Variants in LDLRAD3 observed in about 807,000 individuals in gnomAD.
LDLRAD3 encodes low-density lipoprotein receptor class A domain-containing protein 3.
Under a neutral mutation model 29.4 loss-of-function variants are expected in LDLRAD3, and 20 were observed. That is an observed-to-expected ratio of 0.68 (90% CI 0.48 to 0.99). The LOEUF (loss-of-function observed/expected upper bound fraction) is 0.99, where lower values mean the gene tolerates loss of function less well. Ranked by LOEUF, LDLRAD3 falls within the 50% of genes least tolerant of loss-of-function variation. The pLI, the probability that LDLRAD3 is intolerant of heterozygous loss-of-function variation, is 0.00. For synonymous variants in LDLRAD3, 157 were observed against 192.7 expected (o/e 0.81, Z 1.53); for missense variants, 420 against 454.3 (o/e 0.92, Z 0.69).
At chr11:36,137,203 A>G (rs181775380) in intron 4 of LDLRAD3, among the ~76,000 whole-genome samples, 3 of 152,314 alleles carry the variant, frequency 2.0e-5, no homozygotes, top group Admixed American at 2.0e-4. Flanking sequence ...TTGACCAGGA[A>G]ATGGATTTGT....
At position 35,957,251 on chromosome 11, in the gene LDLRAD3, C is replaced by T. The variant is rs759885045; in HGVS notation, c.46+13107C>T. 9.2e-5 allele frequency among the ~76,000 whole-genome samples: 14 copies of T among 152,138 alleles called. 1 individual carries two copies. Among genetic ancestry groups the T allele is most frequent in the Non-Finnish European group, 1.8e-4 (12 of 68,012 alleles). On this transcript the variant is annotated intron_variant, in intron 1 of 5. Coordinates refer to ENST00000315571, the MANE Select transcript of LDLRAD3 (RefSeq NM_174902.4). ...ATTTCATGTCCTGCTTTTTTCACTT[C>T]TGAATATAGCATAGACGTTTTCCCA...
At chr11:35,977,522 A>G (rs796361823) in intron 1 of LDLRAD3, among the ~76,000 whole-genome samples, 15 of 152,264 alleles carry the variant, frequency 9.9e-5, no homozygotes, top group African/African-American at 1.7e-4. Context: ...TCACAGGGCT[A>G]TTTTACAGAA....
At position 36,229,630 on chromosome 11, in the gene LDLRAD3, G is replaced by GT; in HGVS notation, c.*233_*234insT. Reference sequence around the variant, plus strand: ...TTTCTGTCAGGTCACTCTTCCCTTGGGACCCGAGATCACACCCTCATTTTT... The same window carrying GT: ...TTTCTGTCAGGTCACTCTTCCCTTGGTGACCCGAGATCACACCCTCATTTTT... On this transcript the variant is annotated 3_prime_UTR_variant, in exon 6 of 6. Coordinates refer to ENST00000315571, the MANE Select transcript of LDLRAD3 (RefSeq NM_174902.4). 1.8e-5 allele frequency: 8 copies of GT among 452,130 alleles called. No individual in the cohort carries two copies. The highest frequency in any genetic ancestry group is 2.7e-5 in the Non-Finnish European group (7 of 255,758). The allele number at this position is 452,130 out of a possible 1,614,324, so 28.0% of individuals were successfully genotyped here. A position where few individuals can be genotyped will look rare whatever the true frequency, so the allele number is the denominator to read the frequency against.
intron 1 of LDLRAD3, among the ~76,000 whole-genome samples, chr11:35,966,203 G>A (rs1851339209): frequency 6.6e-6 from 1 of 152,168 alleles, no homozygotes; most frequent in Non-Finnish European, 1.5e-5. Flanking sequence ...CGAGGTGGGT[G>A]GATCAGAGGT....
At chr11:36,152,916 C>A (rs1854297001) in intron 4 of LDLRAD3, among the ~76,000 whole-genome samples, 1 of 152,114 alleles carries the variant, frequency 6.6e-6, no homozygotes, top group Admixed American at 6.5e-5. Flanking sequence ...GGACCTCCAA[C>A]AAAGAGGGAG....
intron 4 of LDLRAD3, among the ~76,000 whole-genome samples, chr11:36,150,163 T>C (rs759354638): frequency 4.6e-5 from 7 of 152,286 alleles, no homozygotes; most frequent in Middle Eastern, 3.4e-3. Context: ...GTGTCTGTCT[T>C]GGACACCGGT....
intron 2 of LDLRAD3, among the ~76,000 whole-genome samples, chr11:36,074,343 G>C (rs1363558428): frequency 6.6e-6 from 1 of 152,202 alleles, no homozygotes; most frequent in Non-Finnish European, 1.5e-5. Flanking sequence ...AGCGACTAAG[G>C]GTGGGAGTGT....
intron 4 of LDLRAD3, among the ~76,000 whole-genome samples, chr11:36,098,736 T>C (rs1175183281): frequency 1.3e-5 from 2 of 152,248 alleles, no homozygotes; most frequent in African/African-American, 4.8e-5. Context: ...CTGTGTTACA[T>C]ACTGTCATGT....
chr11:36,214,847 A>G (rs1018831664), intron 4 of LDLRAD3, among the ~76,000 whole-genome samples: 2 of 152,210 alleles, frequency 1.3e-5, no homozygotes, highest in African/African-American at 4.8e-5. Flanking sequence ...AGGGCCACAG[A>G]GTTAGAGACA....
chr11:36,208,030 C>A (rs1855234056), intron 4 of LDLRAD3, among the ~76,000 whole-genome samples: 1 of 152,192 alleles, frequency 6.6e-6, no homozygotes, highest in South Asian at 2.1e-4. Flanking sequence ...ATGGCACACT[C>A]ACTGTGCAGC....
intron 4 of LDLRAD3, among the ~76,000 whole-genome samples, chr11:36,221,237 G>A (rs1006853921): frequency 3.9e-5 from 6 of 152,092 alleles, no homozygotes; most frequent in African/African-American, 1.4e-4. Context: ...TATAATCCCA[G>A]TTACTCGTGA....
At chr11:36,037,849 C>T (rs943440082) in intron 2 of LDLRAD3, among the ~76,000 whole-genome samples, 1 of 152,170 alleles carries the variant, frequency 6.6e-6, no homozygotes, top group Non-Finnish European at 1.5e-5. Context: ...TTTCATACTG[C>T]TTGTTGCATA....
chr11:36,014,091 CA>C (rs1326417537), intron 1 of LDLRAD3, among the ~76,000 whole-genome samples: 3 of 152,190 alleles, frequency 2.0e-5, no homozygotes, highest in Non-Finnish European at 2.9e-5. Context: ...TTGGGCCTGG[CA>C]AGTGTGTGCT....
chr11:36,058,329 C>CTGGCTCT (rs1852651371), intron 2 of LDLRAD3, among the ~76,000 whole-genome samples: 1 of 152,198 alleles, frequency 6.6e-6, no homozygotes, highest in Admixed American at 6.5e-5. Context: ...AGAGCCACGT[C>CTGGCTCT]TTCCTTCACG....
chr11:35,995,709 T>C (rs1030163991), intron 1 of LDLRAD3, among the ~76,000 whole-genome samples: 5 of 152,250 alleles, frequency 3.3e-5, no homozygotes, highest in Admixed American at 6.5e-5. Flanking sequence ...GCCACTGTTA[T>C]CAGTGATCTT....
chr11:36,202,955 G>A (rs1260094295), intron 4 of LDLRAD3, among the ~76,000 whole-genome samples: 2 of 152,096 alleles, frequency 1.3e-5, no homozygotes, highest in Non-Finnish European at 2.9e-5. Flanking sequence ...TTTGTCTTAA[G>A]AGACAGAGTC....
At chr11:36,217,266 AAAACACTGTGGAGTACCTG>A (rs1855365737) in intron 4 of LDLRAD3, among the ~76,000 whole-genome samples, 1 of 152,198 alleles carries the variant, frequency 6.6e-6, no homozygotes, top group Non-Finnish European at 1.5e-5. Flanking sequence ...CCAATATCAA[AAAACACTGTGGAGTACCTG>A]TTGTATTTCC....
At chr11:36,127,239 T>C (rs954937053) in intron 4 of LDLRAD3, among the ~76,000 whole-genome samples, 2 of 152,230 alleles carry the variant, frequency 1.3e-5, no homozygotes, top group African/African-American at 2.4e-5. Flanking sequence ...AATATTAATA[T>C]AATAAAACTA....
At chr11:36,089,451 T>C (rs544613749) in intron 3 of LDLRAD3, among the ~76,000 whole-genome samples, 1 of 149,984 alleles carries the variant, frequency 6.7e-6, no homozygotes, top group East Asian at 2.0e-4. Flanking sequence ...TTTTTTGAGA[T>C]GGAGTCTCGC....
Sources: gnomAD v4.1 joint callset for allele counts (sites outside exome capture counted in the v4.1 genomes callset) on GRCh38, gnomAD v4.1.1 for gene constraint, MANE v1.5 for transcripts, NCBI Gene and HGNC (gene_info 2026-07-23, HGNC 2026-07-21) for gene names.